DLC1: variants seen among roughly 807,000 people sequenced by gnomAD.
DLC1 encodes rho GTPase-activating protein 7.
In DLC1, 54 loss-of-function variants were observed where a neutral mutation model predicts 140.3. The ratio of observed to expected loss-of-function variants is 0.38; its 90% CI spans 0.31 to 0.48. The LOEUF (loss-of-function observed/expected upper bound fraction) is 0.48, where lower values mean the gene tolerates loss of function less well. Among genes scored for constraint, DLC1 ranks in the 20% least tolerant of loss-of-function variants. The pLI is 0.96. For missense variants in DLC1, 2,536 were observed against 1,907.0 expected (o/e 1.33, Z -6.14); for synonymous variants, 986 against 728.1 (o/e 1.35, Z -5.70).
intron 4 of DLC1, among the ~76,000 whole-genome samples, chr8:13,335,449 A>G (rs1242156525): frequency 6.6e-6 from 1 of 152,238 alleles, no homozygotes; most frequent in Non-Finnish European, 1.5e-5. Context: ...CAATGTGAGC[A>G]CACAAAAAGT....
intron 2 of DLC1, among the ~76,000 whole-genome samples, chr8:13,479,513 T>C (rs1800585091): frequency 6.6e-6 from 1 of 152,214 alleles, no homozygotes; most frequent in South Asian, 2.1e-4. Context: ...TTTCTGAAGC[T>C]GATAAAAGTT....
chr8:13,193,221 G>C (rs955298353), intron 5 of DLC1, among the ~76,000 whole-genome samples: 5 of 152,108 alleles, frequency 3.3e-5, no homozygotes, highest in African/African-American at 9.7e-5. Flanking sequence ...TTATTATCCT[G>C]TTGTGTTAGT....
At chr8:13,272,533 A>C (rs1209492764) in intron 5 of DLC1, among the ~76,000 whole-genome samples, 3 of 152,154 alleles carry the variant, frequency 2.0e-5, no homozygotes, top group Non-Finnish European at 4.4e-5. Context: ...TAGTTGAGTT[A>C]AATTACAACA....
At chr8:13,267,382 A>T (rs551176787) in intron 5 of DLC1, among the ~76,000 whole-genome samples, 1 of 151,844 alleles carries the variant, frequency 6.6e-6, no homozygotes, top group Non-Finnish European at 1.5e-5. Context: ...CTAGACCTCT[A>T]GGATATAGTA....
At chr8:13,086,579 CTG>C in intron 16 of DLC1, 116 bp from the exon 17 acceptor site, 1 of 1,176,852 alleles carries the variant, frequency 8.5e-7, no homozygotes, top group Non-Finnish European at 1.2e-6. Context: ...AGTGGCCATG[CTG>C]TGTGACCCAG....
At chr8:13,311,373 A>G (rs1043065232) in intron 4 of DLC1, among the ~76,000 whole-genome samples, 4 of 152,162 alleles carry the variant, frequency 2.6e-5, no homozygotes, top group African/African-American at 9.7e-5. Context: ...ATTCCAACTT[A>G]ACTTAGTTTC....
rs543563347 is a variant in DLC1, at chr8:13,534,317, TAAG to T, written c.-125-34124_-125-34122del. 6.3e-3 allele frequency among the ~76,000 whole-genome samples: 965 copies of T among 152,288 alleles called. 7 individuals carry two copies. The highest frequency in any genetic ancestry group is 0.013 in the Admixed American group (204 of 15,284). On this transcript the variant is annotated intron_variant, in intron 1 of 1. Transcript: ENST00000631382. The stretch of plus-strand genomic sequence containing the variant: ...GCACTACCTTTTACTTCATTAATAA[TAAG>T]AACTGTATTTTCTGTTAATATTGTA...
intron 5 of DLC1, among the ~76,000 whole-genome samples, chr8:13,131,190 C>G (rs924420639): frequency 1.3e-5 from 2 of 152,172 alleles, no homozygotes; most frequent in African/African-American, 2.4e-5. Context: ...TCCACACTTA[C>G]AGTCTGCAAA....
At chr8:13,104,247 A>T (rs1819359311) in intron 7 of DLC1, among the ~76,000 whole-genome samples, 1 of 152,032 alleles carries the variant, frequency 6.6e-6, no homozygotes, top group Non-Finnish European at 1.5e-5. Context: ...TTTTTGCAAC[A>T]GCCATCCTAT....
intron 5 of DLC1, among the ~76,000 whole-genome samples, chr8:13,142,282 T>A (rs12156185): frequency 1.3e-5 from 2 of 152,020 alleles, no homozygotes; most frequent in Non-Finnish European, 2.9e-5. Flanking sequence ...TACAACTTAC[T>A]AGTTGTGAAA....
intron 2 of DLC1, among the ~76,000 whole-genome samples, chr8:13,450,446 C>G: frequency 1.1e-5 from 1 of 91,192 alleles, no homozygotes; most frequent in South Asian, 4.0e-4. Flanking sequence ...CAGAGTGAGA[C>G]TGTCTCAAAA....
At chr8:13,406,880 G>T (rs113870373) in intron 2 of DLC1, among the ~76,000 whole-genome samples, 2 of 152,154 alleles carry the variant, frequency 1.3e-5, no homozygotes, top group Non-Finnish European at 1.5e-5. Flanking sequence ...TGAGGAAAAA[G>T]TATTTAGCTG....
At chr8:13,425,647 C>G (rs188636730) in intron 2 of DLC1, among the ~76,000 whole-genome samples, 3 of 120,786 alleles carry the variant, frequency 2.5e-5, no homozygotes, top group African/African-American at 9.3e-5. Context: ...GAGTCAATAT[C>G]ATTATTATAC....
At chr8:13,271,792 C>T (rs1038572082) in intron 5 of DLC1, among the ~76,000 whole-genome samples, 2 of 152,178 alleles carry the variant, frequency 1.3e-5, no homozygotes, top group Admixed American at 6.5e-5. Context: ...TCAAGTGATT[C>T]TCCTGACTCA....
At chr8:13,133,117 C>A in intron 5 of DLC1, 1 of 1,467,214 alleles carries the variant, frequency 6.8e-7, no homozygotes, top group Non-Finnish European at 9.0e-7. Flanking sequence ...GCTCGCCGCT[C>A]CCTGCCCCTC....
intron 5 of DLC1, among the ~76,000 whole-genome samples, chr8:13,130,758 T>G (rs938547826): frequency 6.6e-6 from 1 of 152,206 alleles, no homozygotes; most frequent in Non-Finnish European, 1.5e-5. Flanking sequence ...AAGATTTAAG[T>G]TGGAAACTAT....
chr8:13,401,664 T>G lies in DLC1; in HGVS notation c.1024-45A>C, dbSNP rs749439183. 3.2e-6 allele frequency: 5 copies of G among 1,584,134 alleles called. No homozygotes were observed. In the African/African-American group the frequency reaches 6.8e-5, roughly 22 times the overall value. ...GTTACTGAATCTGAAAGGCCATTTC[T>G]TAATAAGAATAAAAAGTTCCCTGTT... is the stretch of plus-strand genomic sequence containing the variant. On this transcript the variant is annotated intron_variant, in intron 2 of 17. Coordinates refer to ENST00000276297, the MANE Select transcript of DLC1 (RefSeq NM_182643.3).
chr8:13,267,236 G>A (rs1830724489), intron 5 of DLC1, among the ~76,000 whole-genome samples: 1 of 151,882 alleles, frequency 6.6e-6, no homozygotes, highest in Non-Finnish European at 1.5e-5. Context: ...ACCTGAAATG[G>A]GCTTCATTTT....
intron 5 of DLC1, among the ~76,000 whole-genome samples, chr8:13,126,653 T>C (rs1212935457): frequency 1.3e-5 from 2 of 152,206 alleles, no homozygotes; most frequent in Non-Finnish European, 2.9e-5. Context: ...TTTAAACTTA[T>C]TATTCAAGGC....
Sources: allele counts gnomAD v4.1 joint callset (sites outside exome capture counted in the v4.1 genomes callset), GRCh38; gene constraint gnomAD v4.1.1; transcripts MANE v1.5; gene names NCBI Gene and HGNC (gene_info 2026-07-23, HGNC 2026-07-21).